Variants in KLHDC4 observed in about 807,000 individuals in gnomAD.
The protein encoded by KLHDC4 is kelch domain-containing protein 4.
A neutral mutation model predicts 62.4 loss-of-function variants in KLHDC4; 90 were observed. That is an observed-to-expected ratio of 1.44 (90% CI 1.22 to 1.72). The LOEUF (loss-of-function observed/expected upper bound fraction) is 1.72, where lower values mean the gene tolerates loss of function less well. Ranked by LOEUF, KLHDC4 falls within the 40% of genes most tolerant of loss-of-function variation. The pLI, the probability that KLHDC4 is intolerant of heterozygous loss-of-function variation, is 0.00. For missense variants in KLHDC4, 1,025 were observed against 699.7 expected (o/e 1.47, Z -5.25); for synonymous variants, 386 against 284.4 (o/e 1.36, Z -3.59).
intron 1 of KLHDC4, among the ~76,000 whole-genome samples, chr16:87,764,717 T>C (rs181367935): frequency 5.5e-4 from 80 of 144,374 alleles, no homozygotes; most frequent in African/African-American, 2.0e-3. Flanking sequence ...GCTTACTTTC[T>C]GCCAAGCACC....
chr16:87,742,545 C>G (rs1277452327), intron 5 of KLHDC4, among the ~76,000 whole-genome samples: 2 of 152,212 alleles, frequency 1.3e-5, no homozygotes, highest in African/African-American at 4.8e-5. Context: ...CAGATCACAA[C>G]TGGACCCCGT....
chr16:87,728,116 G>A (rs1032844934), intron 6 of KLHDC4, among the ~76,000 whole-genome samples: 9 of 152,184 alleles, frequency 5.9e-5, no homozygotes, highest in Non-Finnish European at 1.5e-5. Flanking sequence ...GAACCTACGA[G>A]GTGGAGGCTA....
intron 4 of KLHDC4, among the ~76,000 whole-genome samples, chr16:87,753,883 G>A (rs971023044): frequency 2.7e-5 from 4 of 149,552 alleles, no homozygotes; most frequent in Non-Finnish European, 5.9e-5. Context: ...TGAAGCAGGA[G>A]AATCGCTTGA....
At chr16:87,712,243 G>A (rs1006466282) in intron 8 of KLHDC4, among the ~76,000 whole-genome samples, 4 of 152,098 alleles carry the variant, frequency 2.6e-5, no homozygotes, top group Non-Finnish European at 5.9e-5. Flanking sequence ...ACTTCTAGGA[G>A]ACAGAATGGA....
chr16:87,711,481 A>T, intron 8 of KLHDC4, 38 bp from the exon 9 acceptor site: 1 of 1,560,206 alleles, frequency 6.4e-7, no homozygotes, highest in Non-Finnish European at 8.7e-7. Context: ...TAAGAACACA[A>T]GGAAGGACCC....
At chr16:87,702,758 G>A (rs2034209581), upstream of KLHDC4, among the ~76,000 whole-genome samples, 1 of 152,258 alleles carries the variant, frequency 6.6e-6, no homozygotes, top group Non-Finnish European at 1.5e-5. Context: ...AGGAAACAGT[G>A]TTAACCTGTG....
rs187917884 is a variant in KLHDC4 at position 87,738,434 on chromosome 16, A to C, written c.507-7790T>G. 2.6e-5 allele frequency among the ~76,000 whole-genome samples: 4 copies of C among 152,280 alleles called. No homozygotes were observed. The East Asian group carries it at 7.7e-4, about 29-fold the overall frequency. On this transcript the variant is annotated intron_variant, in intron 5 of 11. Transcript: ENST00000270583. Reference sequence around the variant, plus strand: ...GATCATCTCCCAAGTGCTCCGGTGCATACAAAGATGTATGCACTGTCCGTG... The same window carrying C: ...GATCATCTCCCAAGTGCTCCGGTGCCTACAAAGATGTATGCACTGTCCGTG...
At chr16:87,741,429 G>A (rs1211020627) in intron 5 of KLHDC4, among the ~76,000 whole-genome samples, 3 of 152,180 alleles carry the variant, frequency 2.0e-5, no homozygotes, top group Admixed American at 6.5e-5. Flanking sequence ...GACTCTCACA[G>A]GAGTGAGAAC....
chr16:87,702,354 G>C, exon 1 of KLHDC4: 1 of 448,404 alleles, frequency 2.2e-6, no homozygotes, highest in South Asian at 1.6e-5. Context: ...TGGGTGTGAG[G>C]GTGCAGGGGC....
Position 87,765,883 on chromosome 16 carries a change from T to C in KLHDC4, c.8A>G (p.Lys3Arg), listed in dbSNP as rs1421332018. Residue 3 changes from lysine (K) to arginine (R), a missense_variant, in exon 1 of 12, where the codon AAG (lysine) becomes AGG (arginine). Lys to Arg is a conservative substitution (Grantham distance 26). Coordinates refer to ENST00000270583, the MANE Select transcript of KLHDC4 (RefSeq NM_017566.4). MG[K>R]KGKKEKKGRG... ...GCCCTTCTTCTCCTTCTTGCCCTTC[T>C]TGCCCATCTTGCCGGGTCCCAAGCC... 4.5e-6 allele frequency: 7 copies of C among 1,551,318 alleles called. No individual in the cohort carries two copies. Among genetic ancestry groups the C allele is most frequent in the Admixed American group, 2.0e-5 (1 of 50,998 alleles).
chr16:87,735,894 C>T (rs2041226271), intron 5 of KLHDC4, among the ~76,000 whole-genome samples: 3 of 152,174 alleles, frequency 2.0e-5, no homozygotes, highest in Non-Finnish European at 2.9e-5. Context: ...TCGACTGGGC[C>T]GCTGTGGTGA....
chr16:87,761,872 C>A, intron 2 of KLHDC4, 77 bp downstream of exon 2: 1 of 1,384,474 alleles, frequency 7.2e-7, no homozygotes, highest in Non-Finnish European at 1.0e-6. Context: ...ATTTACGAAA[C>A]CTGGTGCTAT....
chr16:87,763,682 G>A (rs148628367), intron 1 of KLHDC4: 3 of 152,200 alleles, frequency 2.0e-5, no homozygotes, highest in Admixed American at 6.5e-5. Context: ...TTTGCTCAAC[G>A]AGGTTAAACA....
intron 3 of KLHDC4, 38 bp from the exon 4 acceptor site, chr16:87,755,330 T>C (rs765113034): frequency 9.2e-7 from 1 of 1,089,510 alleles, no homozygotes; most frequent in Non-Finnish European, 1.4e-6. Flanking sequence ...TCACAAATGA[T>C]ACGCTTCCAA....
At chr16:87,725,754 C>G (rs1314641581) in intron 7 of KLHDC4, among the ~76,000 whole-genome samples, 2 of 152,166 alleles carry the variant, frequency 1.3e-5, no homozygotes, top group Non-Finnish European at 2.9e-5. Flanking sequence ...GTGAGGAGCA[C>G]ACACTCCACG....
intron 8 of KLHDC4, 96 bp from the exon 9 acceptor site, chr16:87,711,539 T>C: frequency 1.9e-6 from 2 of 1,052,526 alleles, no homozygotes; most frequent in Non-Finnish European, 2.7e-6. Context: ...CCCCCCAGAA[T>C]GGGGTAAATG....
At chr16:87,705,761 G>A (rs1307036669), downstream of KLHDC4, among the ~76,000 whole-genome samples, 3 of 152,254 alleles carry the variant, frequency 2.0e-5, no homozygotes, top group African/African-American at 7.2e-5. Flanking sequence ...TTCTGGACAA[G>A]GGCTGGAGCC....
At chr16:87,700,101 C>CA (rs1386247286) in exon 1 of KLHDC4, 3 of 152,520 alleles carry the variant, frequency 2.0e-5, no homozygotes, top group African/African-American at 7.2e-5. Context: ...ACTCCCCTCA[C>CA]AGTCTTCATG....
chr16:87,765,894 G>C lies in KLHDC4; in HGVS notation c.-4C>G. The C allele has an allele frequency of 1.3e-6, 2 of 1,551,102 alleles. No homozygotes were observed. The highest frequency in any genetic ancestry group is 1.7e-6 in the Non-Finnish European group (2 of 1,146,862). On this transcript the variant is annotated 5_prime_UTR_variant, in exon 1 of 12. Transcript: ENST00000270583. ...CCTTCTTGCCCTTCTTGCCCATCTT[G>C]CCGGGTCCCAAGCCGCGACGGGACA...
Sources: gnomAD v4.1 joint callset for allele counts (sites outside exome capture counted in the v4.1 genomes callset) on GRCh38, gnomAD v4.1.1 for gene constraint, MANE v1.5 for transcripts, NCBI Gene and HGNC (gene_info 2026-07-23, HGNC 2026-07-21) for gene names.